CRISP1: variants seen among roughly 807,000 people sequenced by gnomAD.
The protein encoded by CRISP1 is cysteine-rich secretory protein 1.
In CRISP1, 44 loss-of-function variants were observed where a neutral mutation model predicts 33.1. The observed-to-expected ratio is 1.33, with a 90% CI of 1.05 to 1.71. The LOEUF (loss-of-function observed/expected upper bound fraction) is 1.71. CRISP1 is among the 40% of genes most tolerant of loss of function. The pLI is 0.00. For missense variants in CRISP1, 390 were observed against 301.2 expected (o/e 1.29, Z -2.18); for synonymous variants, 103 against 98.7 (o/e 1.04, Z -0.26).
Position 49,835,070 on chromosome 6 carries a change from A to G in CRISP1, c.*246T>C. 1 of 353,022 alleles carries G rather than the reference A, an allele frequency of 2.8e-6. No individual in the cohort carries two copies. Among genetic ancestry groups the G allele is most frequent in the Non-Finnish European group, 5.1e-6 (1 of 196,776 alleles). The allele number at this position is 353,022 out of a possible 1,614,324, so 21.9% of individuals were successfully genotyped here. A position where few individuals can be genotyped will look rare whatever the true frequency, so the allele number is the denominator to read the frequency against. On this transcript the variant is annotated 3_prime_UTR_variant, in exon 8 of 8. Transcript: ENST00000335847. ...GTTATACCATAAGTTGAATTATGCC[A>G]ACTTAAAAACTATAAATCACATGAT...
rs184727202 is a variant in CRISP1, at chr6:49,857,302, A to G, written c.66+33T>C. ...AGTGTTAGCTCTTATCTTTATTTAG[A>G]AAGTAATTATGAAACATCCAACCCT... On this transcript the variant is annotated intron_variant, in intron 2 of 7. Coordinates refer to ENST00000335847, the MANE Select transcript of CRISP1 (RefSeq NM_001131.3). 6.4e-5 allele frequency: 103 copies of G among 1,600,656 alleles called. No individual in the cohort carries two copies. In the African/African-American group the frequency reaches 1.2e-3, roughly 19 times the overall value.
chr6:49,852,204 G>T, intron 2 of CRISP1, 75 bp from the exon 3 acceptor site: 1 of 1,359,480 alleles, frequency 7.4e-7, no homozygotes, highest in Non-Finnish European at 1.0e-6. Flanking sequence ...CAGACCTATA[G>T]GTAATGCAAA....
At chr6:49,866,775 G>GAT (rs1343147905), upstream of CRISP1, among the ~76,000 whole-genome samples, 1 of 152,138 alleles carries the variant, frequency 6.6e-6, no homozygotes, top group African/African-American at 2.4e-5. Context: ...GCCACAATCA[G>GAT]ATAACAAAGG....
At chr6:49,869,554 C>A (rs1418040263), upstream of CRISP1, among the ~76,000 whole-genome samples, 7 of 152,128 alleles carry the variant, frequency 4.6e-5, no homozygotes, top group Non-Finnish European at 1.0e-4. Context: ...ACACTCCTAC[C>A]CCTAACCTCT....
chr6:49,865,760 A>G (rs563284257), intron 1 of CRISP1, among the ~76,000 whole-genome samples: 2 of 152,220 alleles, frequency 1.3e-5, no homozygotes, highest in African/African-American at 4.8e-5. Context: ...AAAGTTGTGT[A>G]ATTTACAAGT....
intron 7 of CRISP1, 58 bp downstream of exon 7, chr6:49,838,379 T>C: frequency 1.7e-6 from 2 of 1,192,824 alleles, no homozygotes; most frequent in East Asian, 2.4e-5. Flanking sequence ...ATTTAAAGGA[T>C]GTATGGTTCC....
In CRISP1 at chr6:49,857,357, A is replaced by T. The variant is rs1771523961; in HGVS notation, c.44T>A (p.Leu15Ter). The stretch of plus-strand genomic sequence containing the variant: ...TACTTTCATGGACAACATAGGCAGT[A>T]AGCAAGCAGCAGCAACCAAAAACAA... Reference protein sequence around the residue: ...HLLFLVAAACLLPMLSMKKKS... With the variant: ...HLLFLVAAAC Residue 15 changes from leucine (L) to a stop codon, truncating the protein, a stop_gained, in exon 2 of 8, where the codon TTA becomes TAA. Coordinates refer to ENST00000335847, the MANE Select transcript of CRISP1 (RefSeq NM_001131.3). LOFTEE classifies it high-confidence loss of function. The T allele has an allele frequency of 3.7e-6, 6 of 1,613,104 alleles. No individual in the cohort carries two copies. The East Asian group carries it at 1.3e-4, about 36-fold the overall frequency.
chr6:49,866,780 C>A (rs1771809012), upstream of CRISP1, among the ~76,000 whole-genome samples: 1 of 152,132 alleles, frequency 6.6e-6, no homozygotes, highest in African/African-American at 2.4e-5. Flanking sequence ...AATCAGATAA[C>A]AAAGGTCACT....
intron 7 of CRISP1, among the ~76,000 whole-genome samples, chr6:49,836,656 C>T (rs1303915953): frequency 1.3e-5 from 2 of 152,016 alleles, no homozygotes; most frequent in Non-Finnish European, 2.9e-5. Context: ...TTTAAATTTA[C>T]ATTTATGTCT....
chr6:49,841,835 T>A (rs1771000391), intron 5 of CRISP1, among the ~76,000 whole-genome samples: 1 of 152,174 alleles, frequency 6.6e-6, no homozygotes, highest in East Asian at 1.9e-4. Flanking sequence ...AGTTTCATTT[T>A]CTCAGCTGTA....
Position 49,838,461 on chromosome 6 carries a change from T to C in CRISP1, c.598A>G (p.Ser200Gly). The part of the protein sequence containing the change: ...KTGVPCEACP[S>G]NCEDKLCTNP... Reference sequence around the variant, plus strand: ...CTGCAAAGTTTGTCTTCACAGTTACTTGGGCAGGCTTCACATGGGACGCCT... The same window carrying C: ...CTGCAAAGTTTGTCTTCACAGTTACCTGGGCAGGCTTCACATGGGACGCCT... The change falls in exon 7 of 8, where the codon AGT becomes GGT. Residue 200 changes from serine to glycine, a missense_variant. Ser to Gly is a moderately conservative substitution (Grantham distance 56). Transcript: ENST00000335847. 6.2e-7 allele frequency: 1 copy of C among 1,613,456 alleles called. No homozygotes were observed.
At chr6:49,846,777 C>T in intron 4 of CRISP1, 109 bp from the exon 5 acceptor site, 2 of 1,065,344 alleles carry the variant, frequency 1.9e-6, no homozygotes, top group South Asian at 1.7e-5. Flanking sequence ...ATCTTGACAA[C>T]ATCTTCTGAG....
At position 49,835,371 on chromosome 6, in the gene CRISP1, G is replaced by T. The variant is rs776629942; in HGVS notation, c.695C>A (p.Ser232Ter). The part of the protein sequence containing the change: ...IQVHYLGCNH[S>*]TTILFCKATC... Reference sequence around the variant, plus strand: ...GGCTTTACAGAATAGGATAGTTGTTGAGTGGTTGCATCCCAGATAATGGAC... The same window carrying T: ...GGCTTTACAGAATAGGATAGTTGTTTAGTGGTTGCATCCCAGATAATGGAC... The change falls in exon 8 of 8, where the codon TCA becomes TAA. Residue 232 changes from serine to a stop codon, truncating the protein, a stop_gained. Transcript: ENST00000335847. LOFTEE classifies it high-confidence loss of function. 2.5e-6 allele frequency: 4 copies of T among 1,613,686 alleles called. No homozygotes were observed. In the South Asian group the frequency reaches 4.4e-5, roughly 18 times the overall value.
intron 1 of CRISP1, among the ~76,000 whole-genome samples, chr6:49,875,861 T>G (rs1472484233): frequency 1.3e-5 from 2 of 152,128 alleles, no homozygotes; most frequent in Non-Finnish European, 2.9e-5. Context: ...AAATTGAAAC[T>G]GGATCCTTTC....
chr6:49,876,225 A>C (rs1772032357), intron 1 of CRISP1, among the ~76,000 whole-genome samples: 1 of 152,144 alleles, frequency 6.6e-6, no homozygotes, highest in African/African-American at 2.4e-5. Context: ...AAGGTGGGCA[A>C]AGAACATGAA....
At chr6:49,836,748 A>T (rs1194216846) in intron 7 of CRISP1, among the ~76,000 whole-genome samples, 1 of 152,210 alleles carries the variant, frequency 6.6e-6, no homozygotes, top group African/African-American at 2.4e-5. Flanking sequence ...TTCACCTTCC[A>T]GGAACTTGGA....
At chr6:49,872,822 A>T (rs1274267152) in intron 1 of CRISP1, among the ~76,000 whole-genome samples, 1 of 152,168 alleles carries the variant, frequency 6.6e-6, no homozygotes, top group Non-Finnish European at 1.5e-5. Flanking sequence ...TATAGTTTGA[A>T]GTCAGGTAGC....
chr6:49,836,186 T>C (rs1458628417), intron 7 of CRISP1, among the ~76,000 whole-genome samples: 1 of 152,202 alleles, frequency 6.6e-6, no homozygotes, highest in Non-Finnish European at 1.5e-5. Context: ...CTCTCTCTTT[T>C]AAGATTTTCT....
At chr6:49,871,743 A>G (rs2792829) in intron 1 of CRISP1, among the ~76,000 whole-genome samples, 151,450 of 152,090 alleles carry the variant, frequency 1, 75,412 homozygotes, top group Middle Eastern at 1. Flanking sequence ...CATTTTTTAT[A>G]GCTGCATAGT....
Sources: gnomAD v4.1 joint callset for allele counts (sites outside exome capture counted in the v4.1 genomes callset) on GRCh38, gnomAD v4.1.1 for gene constraint, MANE v1.5 for transcripts, NCBI Gene and HGNC (gene_info 2026-07-23, HGNC 2026-07-21) for gene names.